The following MXI1 variants were observed in gnomAD, a reference collection of about 807,000 sequenced individuals.
MXI1 encodes MAX interactor 1, dimerization protein.
Under a neutral mutation model 36.9 loss-of-function variants are expected in MXI1, and 18 were observed. The ratio of observed to expected loss-of-function variants is 0.49; its 90% CI spans 0.34 to 0.72. The LOEUF is 0.72. Among genes scored for constraint, MXI1 ranks in the 30% least tolerant of loss-of-function variants. The pLI, the probability that MXI1 is intolerant of heterozygous loss-of-function variation, is 0.01. For synonymous variants in MXI1, 160 were observed against 146.7 expected (o/e 1.09, Z -0.65); for missense variants, 304 against 379.1 (o/e 0.80, Z 1.64).
chr10:110,257,891 C>A, intron 3 of MXI1: 3 of 250,172 alleles, frequency 1.2e-5, no homozygotes, highest in East Asian at 1.1e-4. Flanking sequence ...CAAAAACCCT[C>A]TGGAAAAAAA....
At chr10:110,237,930 C>T (rs903468599) in intron 2 of MXI1, among the ~76,000 whole-genome samples, 25 of 152,178 alleles carry the variant, frequency 1.6e-4, no homozygotes, top group African/African-American at 5.3e-4. Context: ...GCATGCGCTA[C>T]AATGTCCAGC....
chr10:110,257,312 G>GT (rs555966373), intron 3 of MXI1: 6,711 of 142,390 alleles, frequency 0.047, 423 homozygotes, highest in African/African-American at 0.14. Flanking sequence ...TTTTTTTTTG[G>GT]TTTTTTTTTT....
At chr10:110,278,939 T>A (rs750419137) in intron 3 of MXI1, among the ~76,000 whole-genome samples, 5 of 152,164 alleles carry the variant, frequency 3.3e-5, no homozygotes, top group African/African-American at 9.7e-5. Flanking sequence ...AAATAAACCA[T>A]CTTGACAGAG....
chr10:110,284,482 T>G (rs1857373070), intron 5 of MXI1, among the ~76,000 whole-genome samples: 1 of 152,212 alleles, frequency 6.6e-6, no homozygotes, highest in African/African-American at 2.4e-5. Context: ...AGTTTGTGGT[T>G]TAATGCAAAA....
intron 3 of MXI1, among the ~76,000 whole-genome samples, chr10:110,269,601 A>T (rs777222363): frequency 5.3e-5 from 8 of 152,234 alleles, no homozygotes; most frequent in Non-Finnish European, 1.2e-4. Flanking sequence ...CTTTTGTAGA[A>T]GAGAAGACTT....
intron 2 of MXI1, among the ~76,000 whole-genome samples, chr10:110,238,151 G>A (rs1385116797): frequency 6.6e-6 from 1 of 152,024 alleles, no homozygotes; most frequent in Non-Finnish European, 1.5e-5. Flanking sequence ...TTTTTATTGG[G>A]ATATTATTAC....
chr10:110,229,696 TGTA>T (rs941042264), intron 2 of MXI1, among the ~76,000 whole-genome samples: 38 of 152,316 alleles, frequency 2.5e-4, no homozygotes, highest in African/African-American at 9.1e-4. Flanking sequence ...GAGATTTTGT[TGTA>T]GTATGGTGTA....
intron 2 of MXI1, among the ~76,000 whole-genome samples, chr10:110,228,945 C>A (rs1464872420): frequency 2.6e-5 from 4 of 152,138 alleles, no homozygotes; most frequent in African/African-American, 4.8e-5. Flanking sequence ...AAAGGCTGGG[C>A]CTAGTGGCTT....
intron 1 of MXI1, among the ~76,000 whole-genome samples, chr10:110,218,474 C>G (rs915114978): frequency 6.6e-6 from 1 of 151,186 alleles, no homozygotes; most frequent in African/African-American, 2.4e-5. Context: ...GATTTGGAAT[C>G]TGGAATGTTT....
Position 110,221,777 on chromosome 10 carries a change from C to T in MXI1, c.275-6412C>T, listed in dbSNP as rs118029364. Among the ~76,000 whole-genome samples, 881 of 152,340 alleles carry T rather than the reference C, an allele frequency of 5.8e-3. 11 individuals are homozygous for T. The highest frequency in any genetic ancestry group is 0.01 in the Non-Finnish European group (705 of 68,026). On this transcript the variant is annotated intron_variant, in intron 1 of 5. Transcript: ENST00000332674. ...AAAAGCAACAAACTTCCAGATTCAG[C>T]CGTCTCAGATAAACACTGCCTCCCC...
At position 110,233,634 on chromosome 10, in the gene MXI1, G is replaced by A. The variant is rs1440824474; in HGVS notation, c.407+5313G>A. Among the ~76,000 whole-genome samples the A allele has an allele frequency of 2.0e-5, 3 of 152,140 alleles. No individual in the cohort carries two copies. In the East Asian group the frequency reaches 5.8e-4, roughly 29 times the overall value. On this transcript the variant is annotated intron_variant, in intron 2 of 5. Coordinates refer to ENST00000332674, the MANE Select transcript of MXI1 (RefSeq NM_130439.3). The stretch of plus-strand genomic sequence containing the variant: ...TAGTAGCAGTTAAACTCTTAATGAT[G>A]TTGTTATTATTCTTAAGTATTTTCT...
chr10:110,208,740 G>GCCCC lies in MXI1; in HGVS notation c.274+668_274+671dup, dbSNP rs34161324. 26 of 95,752 alleles carry GCCCC rather than the reference G, an allele frequency of 2.7e-4. 3 individuals carry two copies. The highest frequency in any genetic ancestry group is 1.2e-3 in the African/African-American group (23 of 19,938). 5.9% of individuals were successfully genotyped at this position (95,752 alleles called of 1,614,324 possible). On this transcript the variant is annotated intron_variant, in intron 1 of 5. Transcript: ENST00000332674. The stretch of plus-strand genomic sequence containing the variant: ...TCCGTTGCCGTGGGGTGCCACCGCC[G>GCCCC]CCCCCCCCCCCCCAAAGAAGGAGGC...
At chr10:110,229,454 T>C (rs1024201172) in intron 2 of MXI1, among the ~76,000 whole-genome samples, 2 of 152,172 alleles carry the variant, frequency 1.3e-5, no homozygotes, top group African/African-American at 4.8e-5. Context: ...CTGAGGCTTC[T>C]ACAGATAATA....
At chr10:110,274,231 C>G (rs1856953533) in intron 3 of MXI1, among the ~76,000 whole-genome samples, 1 of 152,134 alleles carries the variant, frequency 6.6e-6, no homozygotes, top group African/African-American at 2.4e-5. Context: ...TTCTTTATCC[C>G]ACAAGGGGCT....
chr10:110,269,826 A>G (rs1313178210), intron 3 of MXI1, among the ~76,000 whole-genome samples: 1 of 152,222 alleles, frequency 6.6e-6, no homozygotes, highest in Non-Finnish European at 1.5e-5. Context: ...TTGCCTTCCC[A>G]GTCCCTGTGA....
chr10:110,274,064 T>C (rs1856948053), intron 3 of MXI1, among the ~76,000 whole-genome samples: 1 of 152,252 alleles, frequency 6.6e-6, no homozygotes, highest in South Asian at 2.1e-4. Flanking sequence ...CAGCTACTAG[T>C]AGAGGCCATT....
intron 2 of MXI1, among the ~76,000 whole-genome samples, chr10:110,233,013 A>G (rs983823191): frequency 2.6e-5 from 4 of 152,226 alleles, no homozygotes; most frequent in Admixed American, 2.6e-4. Flanking sequence ...ATAAATATTC[A>G]TATGAGCCTG....
At chr10:110,241,456 G>A (rs574533675) in intron 2 of MXI1, among the ~76,000 whole-genome samples, 1 of 152,070 alleles carries the variant, frequency 6.6e-6, no homozygotes, top group South Asian at 2.1e-4. Context: ...GAGAAGCAAA[G>A]GGGTTGTTTC....
At chr10:110,278,252 G>A (rs1857105998) in intron 3 of MXI1, among the ~76,000 whole-genome samples, 1 of 152,136 alleles carries the variant, frequency 6.6e-6, no homozygotes, top group Admixed American at 6.5e-5. Context: ...GCACAGGGAA[G>A]GTAAATCCAT....
Sources: allele counts gnomAD v4.1 joint callset (sites outside exome capture counted in the v4.1 genomes callset), GRCh38; gene constraint gnomAD v4.1.1; transcripts MANE v1.5; gene names NCBI Gene and HGNC (gene_info 2026-07-23, HGNC 2026-07-21).